Variants in MMP2 observed in about 807,000 individuals in gnomAD.
The protein encoded by MMP2 is matrix metallopeptidase 2.
MMP2 carries 39 observed loss-of-function variants against 74.8 expected under a neutral mutation model. The observed-to-expected ratio is 0.52, with a 90% CI of 0.40 to 0.68. The LOEUF is 0.68. Ranked by LOEUF, MMP2 falls within the 30% of genes least tolerant of loss-of-function variation. MMP2 has a pLI of 0.00. For synonymous variants in MMP2, 367 were observed against 339.8 expected (o/e 1.08, Z -0.88); for missense variants, 803 against 878.3 (o/e 0.91, Z 1.08).
rs138744255 is a variant in MMP2 at position 55,488,553 on chromosome 16, C to T, written c.843C>T (p.Thr281=). 4.3e-6 allele frequency: 7 copies of T among 1,613,862 alleles called. No homozygotes were observed. The African/African-American group carries it at 8.0e-5, about 18-fold the overall frequency. The change falls in exon 6 of 13, where the codon ACC becomes ACT. Residue 281 remains threonine (T), a synonymous_variant. Coordinates refer to ENST00000219070, the MANE Select transcript of MMP2 (RefSeq NM_004530.6). ...YGFCPHEALF[T]MGGNAEGQPC... ...CTCCCCCACCCTTAGCCCTGTTCAC[C>T]ATGGGCGGCAACGCTGAAGGACAGC... is the stretch of plus-strand genomic sequence containing the variant.
intron 9 of MMP2, among the ~76,000 whole-genome samples, chr16:55,493,497 G>A (rs1962465328): frequency 6.6e-6 from 1 of 152,194 alleles, no homozygotes; most frequent in Admixed American, 6.5e-5. Flanking sequence ...CTCATAGTCT[G>A]TGGGTCTACT....
chr16:55,484,412 G>C (rs183173723), intron 3 of MMP2, among the ~76,000 whole-genome samples: 22 of 152,154 alleles, frequency 1.4e-4, no homozygotes, highest in Non-Finnish European at 2.5e-4. Context: ...GAAGCAAGTG[G>C]TCTACTGTGC....
chr16:55,496,680 AG>A (rs1422651428), intron 9 of MMP2, among the ~76,000 whole-genome samples: 2 of 152,320 alleles, frequency 1.3e-5, no homozygotes, highest in Non-Finnish European at 2.9e-5. Context: ...GGAGGTAGTC[AG>A]GGAAGGCTTC....
chr16:55,488,533 C>T lies in MMP2; in HGVS notation c.833-10C>T, dbSNP rs1328049128. 6.2e-7 allele frequency: 1 copy of T among 1,613,142 alleles called. No homozygotes were observed. The highest frequency in any genetic ancestry group is 8.5e-7 in the Non-Finnish European group (1 of 1,179,600). On this transcript the variant is annotated splice_polypyrimidine_tract_variant and intron_variant, in intron 5 of 12. Transcript: ENST00000219070. Reference sequence around the variant, plus strand: ...TCATTCACATCCTTCCCTCTCTCCCCCACCCTTAGCCCTGTTCACCATGGG... The same window carrying T: ...TCATTCACATCCTTCCCTCTCTCCCTCACCCTTAGCCCTGTTCACCATGGG...
At chr16:55,500,693 G>A (rs17859991) in intron 11 of MMP2, among the ~76,000 whole-genome samples, 2,594 of 152,342 alleles carry the variant, frequency 0.017, 34 homozygotes, top group Middle Eastern at 0.058. Context: ...AAAAGGGACA[G>A]AGCTGAAGGG....
chr16:55,483,248 T>C, intron 2 of MMP2, 113 bp downstream of exon 2: 1 of 808,682 alleles, frequency 1.2e-6, no homozygotes, highest in Non-Finnish European at 2.0e-6. Context: ...TGTGAAGGCT[T>C]GACATCTTAG....
chr16:55,489,990 G>T (rs17859922), intron 7 of MMP2, among the ~76,000 whole-genome samples, 166 bp downstream of exon 7: 4,629 of 152,174 alleles, frequency 0.03, 109 homozygotes, highest in East Asian at 0.1. Flanking sequence ...CCCATCTCTG[G>T]TGGAGCCAAG....
chr16:55,493,020 A>T, intron 8 of MMP2, 138 bp from the exon 9 acceptor site: 1 of 1,011,414 alleles, frequency 9.9e-7, no homozygotes, highest in Non-Finnish European at 1.5e-6. Flanking sequence ...TCTTCTTGTT[A>T]CCTTACGGAG....
In MMP2 at chr16:55,483,146, A is replaced by G; in HGVS notation, c.380+11A>G. ...CCAGATCACATACAGGTGCCGGGGC[A>G]GGGCTTGGGGAGGCAGGGCCATGGG... On this transcript the variant is annotated intron_variant, in intron 2 of 12. Transcript: ENST00000219070. The G allele has an allele frequency of 1.2e-6, 2 of 1,610,088 alleles. No homozygotes were observed. Among genetic ancestry groups the G allele is most frequent in the Non-Finnish European group, 1.7e-6 (2 of 1,176,704 alleles).
intron 3 of MMP2, 78 bp downstream of exon 3, chr16:55,484,242 G>A (rs913122788): frequency 2.6e-6 from 4 of 1,531,546 alleles, no homozygotes; most frequent in Non-Finnish European, 3.5e-6. Flanking sequence ...CATTAGAGGG[G>A]CGTGGGGATC....
intron 1 of MMP2, chr16:55,481,667 G>A (rs773117462): frequency 1.9e-6 from 1 of 529,388 alleles, no homozygotes; most frequent in Non-Finnish European, 3.4e-6. Context: ...ACAAATGGAA[G>A]TCTGTGTTGT....
chr16:55,486,257 C>G (rs772745402), intron 5 of MMP2, among the ~76,000 whole-genome samples: 1 of 151,604 alleles, frequency 6.6e-6, no homozygotes. Flanking sequence ...ACCTGGTTTG[C>G]GTACTCCAAC....
chr16:55,489,778 A>G lies in MMP2; in HGVS notation c.1134A>G (p.Thr378=). ...ACGGAAAGATGTGGTGTGCGACCAC[A>G]GCCAACTACGATGATGACCGCAAGT... ...RSDGKMWCAT[T]ANYDDDRKWG... is the part of the protein sequence containing the mutation. The change falls in exon 7 of 13, where the codon ACA becomes ACG. Residue 378 remains threonine (T), a synonymous_variant. Coordinates refer to ENST00000219070, the MANE Select transcript of MMP2 (RefSeq NM_004530.6). 1 of 1,614,198 alleles carries G rather than the reference A, an allele frequency of 6.2e-7. No individual in the cohort carries two copies. Among genetic ancestry groups the G allele is most frequent in the East Asian group, 2.2e-5 (1 of 44,854 alleles).
At chr16:55,502,749 TG>T in intron 11 of MMP2, 29 bp from the exon 12 acceptor site, 1 of 1,592,520 alleles carries the variant, frequency 6.3e-7, no homozygotes, top group Non-Finnish European at 8.6e-7. Flanking sequence ...AGAGAGGCCC[TG>T]CTGGTTCACT....
intron 5 of MMP2, chr16:55,487,596 G>GA (rs1555491891): frequency 2.0e-5 from 3 of 152,300 alleles, no homozygotes; most frequent in Non-Finnish European, 4.4e-5. Context: ...TGGAGTTAAC[G>GA]GGGGCTGGTG....
chr16:55,505,281 T>G, intron 12 of MMP2, 58 bp from the exon 13 acceptor site: 1 of 1,439,622 alleles, frequency 6.9e-7, no homozygotes. Context: ...CCCAGGAACC[T>G]TCTGTGTGCC....
chr16:55,505,166 G>A (rs1962768091), intron 12 of MMP2, among the ~76,000 whole-genome samples, 173 bp from the exon 13 acceptor site: 1 of 151,824 alleles, frequency 6.6e-6, no homozygotes, highest in Admixed American at 6.6e-5. Context: ...TGCTGCCCAA[G>A]CTGGTCTCGA....
At chr16:55,488,802 T>A in intron 6 of MMP2, 86 bp downstream of exon 6, 1 of 1,398,888 alleles carries the variant, frequency 7.1e-7, no homozygotes, top group Non-Finnish European at 9.8e-7. Context: ...AGTGCCCACC[T>A]CCTTTCCCCA....
At chr16:55,486,678 A>G (rs1397138507) in intron 5 of MMP2, 1 of 152,154 alleles carries the variant, frequency 6.6e-6, no homozygotes, top group Non-Finnish European at 1.5e-5. Context: ...ATGTAACTTC[A>G]TACTCTATGA....
Sources: allele counts gnomAD v4.1 joint callset (sites outside exome capture counted in the v4.1 genomes callset), GRCh38; gene constraint gnomAD v4.1.1; transcripts MANE v1.5; gene names NCBI Gene and HGNC (gene_info 2026-07-23, HGNC 2026-07-21).